PMEPA1: variants seen among roughly 807,000 people sequenced by gnomAD.
PMEPA1 encodes prostate transmembrane protein, androgen induced 1, also known as protein TMEPAI.
A neutral mutation model predicts 23.0 loss-of-function variants in PMEPA1; 11 were observed. That is an observed-to-expected ratio of 0.48 (90% CI 0.30 to 0.79). The LOEUF is 0.79. Among genes scored for constraint, PMEPA1 ranks in the 30% least tolerant of loss-of-function variants. PMEPA1 has a pLI of 0.06. For missense variants in PMEPA1, 377 were observed against 390.9 expected, an observed-to-expected ratio of 0.96 and a Z score of 0.30; for synonymous variants, 204 against 166.4, an observed-to-expected ratio of 1.23 and a Z score of -1.74.
chr20:57,710,116 GA>G, upstream of PMEPA1: 1 of 839,422 alleles, frequency 1.2e-6, no homozygotes, highest in Non-Finnish European at 1.5e-6. Flanking sequence ...CCCCCTCCCC[GA>G]GCCGGGGGGC....
rs1327308486 is a variant in PMEPA1 at position 57,704,364 on chromosome 20, G to A, written c.109+5110C>T. Among the ~76,000 whole-genome samples, 1 of 152,132 alleles carries A rather than the reference G, an allele frequency of 6.6e-6. No individual in the cohort carries two copies. The highest frequency in any genetic ancestry group is 1.9e-4 in the East Asian group (1 of 5,188). On this transcript the variant is annotated intron_variant, in intron 1 of 3. Coordinates refer to ENST00000341744, the MANE Select transcript of PMEPA1 (RefSeq NM_020182.5). This position sits in a 1 kb window ranked among gnomAD's most constrained non-coding sequence, Gnocchi z 4.6. ...CCTGGCACAGCATGGTACCATCCTT[G>A]TCACTCCAGAGGGTGCATGAAGAGT...
At chr20:57,696,603 G>A (rs1224118138) in intron 1 of PMEPA1, among the ~76,000 whole-genome samples, 1 of 152,236 alleles carries the variant, frequency 6.6e-6, no homozygotes, top group Admixed American at 6.5e-5. Flanking sequence ...AAAAAGCCGC[G>A]ACGTCACCGG....
chr20:57,669,528 G>A (rs893080987), intron 1 of PMEPA1, among the ~76,000 whole-genome samples: 1 of 152,186 alleles, frequency 6.6e-6, no homozygotes, highest in Non-Finnish European at 1.5e-5. Flanking sequence ...TGCACAAAAG[G>A]TCACAATCAA....
rs1007198383 is a variant in PMEPA1 at position 57,652,769 on chromosome 20, G to C, written c.319-171C>G. ...AGAGCCTGATCCCGCGGGGGCCCTG[G>C]CCTGGGGGGCAGCACTGCAGAGCTG... On this transcript the variant is annotated intron_variant, in intron 3 of 3. Coordinates refer to ENST00000341744, the MANE Select transcript of PMEPA1 (RefSeq NM_020182.5). The surrounding 1 kb of genome is among the most constrained non-coding windows in gnomAD (Gnocchi z 6.1). 6.6e-6 allele frequency among the ~76,000 whole-genome samples: 1 copy of C among 152,164 alleles called. No individual in the cohort carries two copies. Among genetic ancestry groups the C allele is most frequent in the Non-Finnish European group, 1.5e-5 (1 of 68,012 alleles).
Position 57,649,599 on chromosome 20 carries a change from C to G in PMEPA1, c.*2454G>C, listed in dbSNP as rs1307214408. The G allele has an allele frequency of 6.6e-6, 1 of 152,224 alleles. No individual in the cohort carries two copies. The highest frequency in any genetic ancestry group is 1.9e-4 in the East Asian group (1 of 5,194). The allele number at this position is 152,224 out of a possible 1,614,324, so 9.4% of individuals were successfully genotyped here. On this transcript the variant is annotated 3_prime_UTR_variant, in exon 4 of 4. Transcript: ENST00000341744. ...CAAGAGGATATGAGGACTGTCTCAG[C>G]CTGGCTTTGGGCTGACACCATGCAC...
At chr20:57,705,502 C>T (rs73184824) in intron 1 of PMEPA1, among the ~76,000 whole-genome samples, 1,969 of 152,338 alleles carry the variant, frequency 0.013, 22 homozygotes, top group Non-Finnish European at 0.022. Flanking sequence ...CTTTCACTAA[C>T]GCCAGGGTCT....
At chr20:57,692,615 G>A (rs2146699533) in intron 1 of PMEPA1, among the ~76,000 whole-genome samples, 1 of 152,368 alleles carries the variant, frequency 6.6e-6, no homozygotes, top group African/African-American at 2.4e-5. Context: ...AATTCCTCGA[G>A]GGCTGAGGCT....
intron 1 of PMEPA1, among the ~76,000 whole-genome samples, chr20:57,706,045 T>C (rs1235129047): frequency 6.6e-6 from 1 of 152,094 alleles, no homozygotes; most frequent in Non-Finnish European, 1.5e-5. Flanking sequence ...CTCATATTTG[T>C]TTGGAAAAGG....
At chr20:57,663,840 C>T (rs984208070) in intron 1 of PMEPA1, among the ~76,000 whole-genome samples, 2 of 152,208 alleles carry the variant, frequency 1.3e-5, no homozygotes, top group African/African-American at 4.8e-5. Flanking sequence ...GAAGGCAACA[C>T]CCTGGGCCAA....
In PMEPA1 at chr20:57,709,536, C is replaced by A; in HGVS notation, c.47G>T (p.Gly16Val). The A allele has an allele frequency of 8.9e-7, 1 of 1,118,882 alleles. No homozygotes were observed. The highest frequency in any genetic ancestry group is 1.1e-6 in the Non-Finnish European group (1 of 895,328). The allele number at this position is 1,118,882 out of a possible 1,614,324, so 69.3% of individuals were successfully genotyped here. A position where few individuals can be genotyped will look rare whatever the true frequency, so the allele number is the denominator to read the frequency against. Residue 16 changes from glycine to valine, a missense_variant, in exon 1 of 4, where the codon GGG (glycine) becomes GTG (valine). Coordinates refer to ENST00000341744, the MANE Select transcript of PMEPA1 (RefSeq NM_020182.5). Reference protein sequence around the residue: ...GVNSTAAAAAGQPNVSCTCNC... With the variant: ...GVNSTAAAAAVQPNVSCTCNC... ...GCACGTGCAGGAGACATTGGGCTGC[C>A]CGGCGGCGGCGGCGGCGGTGCTGTT...
intron 1 of PMEPA1, among the ~76,000 whole-genome samples, chr20:57,697,886 GTTTGGAGAATAATGCAA>G (rs2071961275): frequency 6.6e-6 from 1 of 152,228 alleles, no homozygotes; most frequent in African/African-American, 2.4e-5. Flanking sequence ...AGTTCACACA[GTTTGGAGAATAATGCAA>G]AGAACGAACA....
At chr20:57,658,496 G>A (rs111510656) in intron 2 of PMEPA1, among the ~76,000 whole-genome samples, 225 of 152,280 alleles carry the variant, frequency 1.5e-3, no homozygotes, top group African/African-American at 4.4e-3. Context: ...TGCATACCCC[G>A]TGTGTGTGCT....
At chr20:57,706,362 A>G (rs1417855155) in intron 1 of PMEPA1, among the ~76,000 whole-genome samples, 1 of 152,250 alleles carries the variant, frequency 6.6e-6, no homozygotes, top group Non-Finnish European at 1.5e-5. Context: ...ACCAGGTGCC[A>G]GGAGTCCTTT....
chr20:57,696,612 G>A (rs1205747032), intron 1 of PMEPA1, among the ~76,000 whole-genome samples: 6 of 152,210 alleles, frequency 3.9e-5, no homozygotes, highest in East Asian at 1.9e-4. Context: ...CGACGTCACC[G>A]GCAAGAACCC....
intron 1 of PMEPA1, 99 bp downstream of exon 1, chr20:57,709,375 A>C: frequency 1.9e-5 from 15 of 801,484 alleles, no homozygotes; most frequent in South Asian, 1.1e-4. Context: ...GTTCGGTCCG[A>C]GGGGGCGCGC....
In PMEPA1 at chr20:57,663,059, C is replaced by T. The variant is rs182899964; in HGVS notation, c.110-3362G>A. On this transcript the variant is annotated intron_variant, in intron 1 of 3. Transcript: ENST00000341744. ...GTCTGTATCCACAGAGTGAGAAAAACGCTCCCAGAAATGAGCACCGGGCTC... is the reference window on the plus strand; with the variant it reads ...GTCTGTATCCACAGAGTGAGAAAAATGCTCCCAGAAATGAGCACCGGGCTC... Among the ~76,000 whole-genome samples, 5 of 152,326 alleles carry T rather than the reference C, an allele frequency of 3.3e-5. No homozygotes were observed. The East Asian group carries it at 5.8e-4, about 18-fold the overall frequency.
At chr20:57,659,935 G>C (rs2071390040) in intron 1 of PMEPA1, among the ~76,000 whole-genome samples, 1 of 152,220 alleles carries the variant, frequency 6.6e-6, no homozygotes, top group South Asian at 2.1e-4. Context: ...GCACCTCAAA[G>C]GTGTCCTGGG....
At chr20:57,695,691 A>C (rs529954972) in intron 1 of PMEPA1, among the ~76,000 whole-genome samples, 49 of 152,248 alleles carry the variant, frequency 3.2e-4, no homozygotes, top group Non-Finnish European at 6.3e-4. Flanking sequence ...TCTGATTAGC[A>C]CCAGAAGGAT....
At chr20:57,672,867 C>T (rs1446914259) in intron 1 of PMEPA1, among the ~76,000 whole-genome samples, 1 of 152,194 alleles carries the variant, frequency 6.6e-6, no homozygotes, top group Admixed American at 6.5e-5. Flanking sequence ...AAACACAGGG[C>T]ATCAGGAAGT....
Sources: allele counts gnomAD v4.1 joint callset (sites outside exome capture counted in the v4.1 genomes callset), GRCh38; gene constraint gnomAD v4.1.1; non-coding constraint Gnocchi (gnomAD v3.1); transcripts MANE v1.5; gene names NCBI Gene and HGNC (gene_info 2026-07-23, HGNC 2026-07-21).